NBEA: variants seen among roughly 807,000 people sequenced by gnomAD.
NBEA encodes the protein lysosomal-trafficking regulator 2.
In NBEA, 44 loss-of-function variants were observed where a neutral mutation model predicts 343.4. The observed-to-expected ratio is 0.13, with a 90% CI of 0.10 to 0.16. The LOEUF is 0.16. Among genes scored for constraint, NBEA ranks in the 10% least tolerant of loss-of-function variants. The probability of loss-of-function intolerance (pLI) is 1.00; values close to 1 mark genes in which losing one functional copy is unlikely to be tolerated. For synonymous variants in NBEA, 1,175 were observed against 1,238.7 expected (o/e 0.95, Z 1.08); for missense variants, 2,555 against 3,631.3 (o/e 0.70, Z 7.62).
chr13:35,370,870 T>C (rs76360258), intron 38 of NBEA, among the ~76,000 whole-genome samples: 2,527 of 151,072 alleles, frequency 0.017, 65 homozygotes, highest in African/African-American at 0.055. Context: ...CCTCCATTTA[T>C]AAAGAATAAC....
chr13:35,168,613 G>A (rs990223254), intron 24 of NBEA, among the ~76,000 whole-genome samples: 1 of 151,424 alleles, frequency 6.6e-6, no homozygotes, highest in African/African-American at 2.4e-5. Flanking sequence ...CAGAATTGAG[G>A]TAGGGATTTT....
At chr13:35,203,411 T>C (rs2073154161) in intron 31 of NBEA, among the ~76,000 whole-genome samples, 1 of 152,152 alleles carries the variant, frequency 6.6e-6, no homozygotes, top group Non-Finnish European at 1.5e-5. Flanking sequence ...TTGTCAATCT[T>C]CTCTGAGCCG....
rs1367622698 is a variant in NBEA, at chr13:35,069,993, G to A, written c.1325G>A (p.Ser442Asn). 1 of 1,606,300 alleles carries A rather than the reference G, an allele frequency of 6.2e-7. No individual in the cohort carries two copies. Among genetic ancestry groups the A allele is most frequent in the Non-Finnish European group, 8.5e-7 (1 of 1,176,782 alleles). The change falls in exon 9 of 59, where the codon AGC becomes AAC. Residue 442 changes from serine to asparagine, a missense_variant. Coordinates refer to ENST00000379939, the MANE Select transcript of NBEA (RefSeq NM_001385012.1). Reference sequence around the variant, plus strand: ...TTATATGATGGGAAACTTGCAAGTAGCATTGCCTTTACATATAATGCTAAG... The same window carrying A: ...TTATATGATGGGAAACTTGCAAGTAACATTGCCTTTACATATAATGCTAAG... ...QVLYDGKLAS[S>N]IAFTYNAKAT...
chr13:35,522,337 G>A (rs530595547), intron 41 of NBEA, among the ~76,000 whole-genome samples: 3 of 151,644 alleles, frequency 2.0e-5, no homozygotes, highest in Admixed American at 6.6e-5. Context: ...GTATGGTGGC[G>A]CATGCCTGTA....
chr13:35,123,533 T>C lies in NBEA; in HGVS notation c.2295T>C (p.Ala765=). The change falls in exon 17 of 59, where the codon GCT becomes GCC. Residue 765 remains alanine (A), a synonymous_variant. Coordinates refer to ENST00000379939, the MANE Select transcript of NBEA (RefSeq NM_001385012.1). ...AAAGTGAAAGTATTTGGGTTCAAGC[T>C]TTGAAGGTTCTGGGATACTTTCTGA... The part of the protein sequence containing the change: ...ASKSESIWVQ[A]LKVLGYFLKH... The C allele has an allele frequency of 6.5e-7, 1 of 1,544,974 alleles. No homozygotes were observed. The highest frequency in any genetic ancestry group is 8.8e-7 in the Non-Finnish European group (1 of 1,140,708).
At chr13:35,319,663 G>A (rs117857658) in intron 36 of NBEA, among the ~76,000 whole-genome samples, 5,365 of 152,132 alleles carry the variant, frequency 0.035, 140 homozygotes, top group Non-Finnish European at 0.054. Flanking sequence ...ATTTTCTCTC[G>A]TTGATATGTC....
intron 17 of NBEA, among the ~76,000 whole-genome samples, chr13:35,140,358 A>G (rs1179101156): frequency 6.6e-6 from 1 of 152,110 alleles, no homozygotes; most frequent in Non-Finnish European, 1.5e-5. Flanking sequence ...TCCTTGTAGC[A>G]GAGATCTATT....
At chr13:35,501,929 A>G (rs2076904688) in intron 41 of NBEA, among the ~76,000 whole-genome samples, 2 of 152,244 alleles carry the variant, frequency 1.3e-5, no homozygotes, top group South Asian at 2.1e-4. Context: ...GTGTGTGTGC[A>G]TACATGTGTA....
At position 35,591,187 on chromosome 13, in the gene NBEA, T is replaced by G. The variant is rs57647859; in HGVS notation, c.7177-2141T>G. ...AGATGAAGGAATGGAGACAGTTGCT[T>G]GACACAGTTACTTAAGGTTAAGTAA... On this transcript the variant is annotated intron_variant, in intron 46 of 58. Transcript: ENST00000379939. 5.5e-3 allele frequency among the ~76,000 whole-genome samples: 844 copies of G among 152,182 alleles called. 12 individuals carry two copies. Among genetic ancestry groups the G allele is most frequent in the African/African-American group, 0.019 (791 of 41,526 alleles).
At chr13:35,069,157 T>C (rs1474701232) in intron 8 of NBEA, among the ~76,000 whole-genome samples, 2 of 152,170 alleles carry the variant, frequency 1.3e-5, no homozygotes, top group African/African-American at 4.8e-5. Context: ...TGGCCCCTTC[T>C]ACATCTTAAT....
chr13:35,055,915 G>A (rs1392984234), intron 6 of NBEA, 95 bp from the exon 7 acceptor site: 42 of 978,396 alleles, frequency 4.3e-5, no homozygotes, highest in Non-Finnish European at 5.5e-5. Context: ...AGTCCTGTCA[G>A]CATATTCTTG....
intron 34 of NBEA, among the ~76,000 whole-genome samples, chr13:35,235,830 C>G (rs563021620): frequency 1.3e-5 from 2 of 152,062 alleles, no homozygotes; most frequent in Non-Finnish European, 2.9e-5. Context: ...AGTGGAAAGA[C>G]CATTAAGAAC....
intron 41 of NBEA, among the ~76,000 whole-genome samples, chr13:35,500,113 A>G (rs1388554171): frequency 6.6e-6 from 1 of 152,086 alleles, no homozygotes; most frequent in African/African-American, 2.4e-5. Flanking sequence ...AATTGATTAG[A>G]TTTTTAACTT....
At chr13:35,400,114 A>G (rs556798992) in intron 38 of NBEA, among the ~76,000 whole-genome samples, 1 of 150,742 alleles carries the variant, frequency 6.6e-6, no homozygotes. Context: ...AAAATGTGAC[A>G]GAGACACAGT....
intron 33 of NBEA, among the ~76,000 whole-genome samples, chr13:35,216,097 G>T (rs1048463534): frequency 9.9e-5 from 15 of 151,258 alleles, no homozygotes; most frequent in African/African-American, 3.6e-4. Flanking sequence ...TATCAGAATA[G>T]CTATTGCTTT....
rs1378833878 is a variant in NBEA, at chr13:35,156,164, C to G, written c.2609C>G (p.Ser870Cys). The G allele has an allele frequency of 1.9e-6, 3 of 1,584,538 alleles. No homozygotes were observed. Among genetic ancestry groups the G allele is most frequent in the Non-Finnish European group, 2.6e-6 (3 of 1,165,510 alleles). The change falls in exon 20 of 59, where the codon TCT becomes TGT. Residue 870 changes from serine (S) to cysteine (C), a missense_variant. Ser to Cys is a moderately radical substitution (Grantham distance 112, BLOSUM62 -1). Around this residue, in one of 21 missense-constraint regions of NBEA, gnomAD observed 360 missense variants for 519.1 expected, o/e 0.69. Coordinates refer to ENST00000379939, the MANE Select transcript of NBEA (RefSeq NM_001385012.1). ...ATGGAAGTTCGTCGTTTATTTTTAT[C>G]TGATATGATAAAACTTTTCAGTAAC... Reference protein sequence around the residue: ...ELMEVRRLFLSDMIKLFSNSR... With the variant: ...ELMEVRRLFLCDMIKLFSNSR...
intron 1 of NBEA, among the ~76,000 whole-genome samples, chr13:34,979,118 A>T (rs1310140383): frequency 6.6e-6 from 1 of 152,190 alleles, no homozygotes; most frequent in Non-Finnish European, 1.5e-5. Context: ...TCATATGGTC[A>T]GCTCTTTTAG....
intron 49 of NBEA, among the ~76,000 whole-genome samples, chr13:35,644,734 GAGTT>G (rs2084135483): frequency 1.3e-5 from 2 of 152,272 alleles, no homozygotes; most frequent in East Asian, 1.9e-4. Flanking sequence ...TAATTCTCAA[GAGTT>G]AGTTATTAAA....
At chr13:35,568,700 A>G (rs1044942623) in intron 45 of NBEA, among the ~76,000 whole-genome samples, 3 of 152,214 alleles carry the variant, frequency 2.0e-5, no homozygotes, top group African/African-American at 7.2e-5. Flanking sequence ...ATTTTGAAAT[A>G]TCAATATATA....
Sources: allele counts gnomAD v4.1 joint callset (sites outside exome capture counted in the v4.1 genomes callset), GRCh38; gene constraint gnomAD v4.1.1; regional missense constraint gnomAD v4.1.1; transcripts MANE v1.5; gene names NCBI Gene and HGNC (gene_info 2026-07-23, HGNC 2026-07-21).